Variants in NBEA observed in about 807,000 individuals in gnomAD.
The protein encoded by NBEA is neurobeachin, also known as lysosomal-trafficking regulator 2.
NBEA carries 44 observed loss-of-function variants against 343.4 expected under a neutral mutation model. That is an observed-to-expected ratio of 0.13 (90% CI 0.10 to 0.16). NBEA has a LOEUF of 0.16. Among genes scored for constraint, NBEA ranks in the 10% least tolerant of loss-of-function variants. The pLI, the probability that NBEA is intolerant of heterozygous loss-of-function variation, is 1.00. For missense variants in NBEA, 2,555 were observed against 3,631.3 expected (o/e 0.70, Z 7.62); for synonymous variants, 1,175 against 1,238.7 (o/e 0.95, Z 1.08).
At chr13:35,627,311 G>A (rs2083271195) in intron 48 of NBEA, among the ~76,000 whole-genome samples, 1 of 152,162 alleles carries the variant, frequency 6.6e-6, no homozygotes, top group Admixed American at 6.5e-5. Context: ...ATAAATGACT[G>A]CAGTAAGTGA....
chr13:35,646,457 T>C (rs2153076750), intron 51 of NBEA, 109 bp downstream of exon 51: 1 of 784,012 alleles, frequency 1.3e-6, no homozygotes, highest in Middle Eastern at 2.3e-4. Context: ...TCTCGATTTA[T>C]TGGTTAACTC....
intron 10 of NBEA, among the ~76,000 whole-genome samples, chr13:35,083,102 G>A (rs1032089427): frequency 2.0e-5 from 3 of 152,176 alleles, no homozygotes; most frequent in Non-Finnish European, 4.4e-5. Context: ...TATGTAAGAT[G>A]TAAGGAAGGG....
chr13:35,460,383 C>A (rs1179637180), intron 40 of NBEA, among the ~76,000 whole-genome samples: 1 of 152,196 alleles, frequency 6.6e-6, no homozygotes, highest in African/African-American at 2.4e-5. Flanking sequence ...GATTCACATT[C>A]AGCTTCAAAC....
At chr13:35,426,711 A>C (rs1173250045) in intron 38 of NBEA, among the ~76,000 whole-genome samples, 2 of 152,154 alleles carry the variant, frequency 1.3e-5, no homozygotes, top group Non-Finnish European at 2.9e-5. Context: ...AGGTTGGGGA[A>C]GTTCTCCTGG....
chr13:35,084,707 G>C (rs2064636075), intron 10 of NBEA, among the ~76,000 whole-genome samples: 1 of 152,034 alleles, frequency 6.6e-6, no homozygotes, highest in East Asian at 1.9e-4. Flanking sequence ...TCAAAAGCTA[G>C]CAGAAGGCAA....
At chr13:34,975,532 T>A (rs770380393) in intron 1 of NBEA, among the ~76,000 whole-genome samples, 61 of 152,218 alleles carry the variant, frequency 4.0e-4, no homozygotes, top group African/African-American at 1.4e-3. Context: ...GGCAAAGACT[T>A]CATGACCAGG....
chr13:35,139,017 AC>A (rs1235864761), intron 17 of NBEA, among the ~76,000 whole-genome samples: 3 of 145,768 alleles, frequency 2.1e-5, no homozygotes, highest in Admixed American at 1.4e-4. Flanking sequence ...TGTTTTCTTT[AC>A]TGTTTTCATA....
chr13:35,084,692 C>A (rs1451129597), intron 10 of NBEA, among the ~76,000 whole-genome samples: 2 of 152,036 alleles, frequency 1.3e-5, no homozygotes, highest in South Asian at 2.1e-4. Flanking sequence ...CAAGAGTAAA[C>A]ACATTCAAAA....
rs139415417 is a variant in NBEA, at chr13:35,515,449, G to A, written c.6586-35028G>A. ...ACCTTTTGAATGTTCCAAAATCACA[G>A]CAAAAATTCAGCAGAAGGTTTTATT... On this transcript the variant is annotated intron_variant, in intron 41 of 58. Coordinates refer to ENST00000379939, the MANE Select transcript of NBEA (RefSeq NM_001385012.1). 2.4e-4 allele frequency among the ~76,000 whole-genome samples: 36 copies of A among 152,272 alleles called. No homozygotes were observed. The East Asian group carries it at 4.4e-3, about 19-fold the overall frequency.
chr13:35,052,060 G>C (rs145224383), intron 6 of NBEA, among the ~76,000 whole-genome samples: 1 of 151,936 alleles, frequency 6.6e-6, no homozygotes, highest in Non-Finnish European at 1.5e-5. Flanking sequence ...TGAATCTAAG[G>C]GGTCTAGTTA....
At chr13:35,383,603 A>G (rs1274052793) in intron 38 of NBEA, among the ~76,000 whole-genome samples, 1 of 152,150 alleles carries the variant, frequency 6.6e-6, no homozygotes, top group Non-Finnish European at 1.5e-5. Flanking sequence ...AGGGTCAGGC[A>G]TAGCCAAGCG....
intron 1 of NBEA, among the ~76,000 whole-genome samples, chr13:34,998,541 C>T (rs1217929979): frequency 6.6e-6 from 1 of 152,116 alleles, no homozygotes; most frequent in African/African-American, 2.4e-5. Context: ...TTTTAGAGGC[C>T]TCCCCTCAGG....
At chr13:35,547,296 A>T (rs951620261) in intron 41 of NBEA, among the ~76,000 whole-genome samples, 1 of 152,208 alleles carries the variant, frequency 6.6e-6, no homozygotes, top group African/African-American at 2.4e-5. Flanking sequence ...TTTAGAAGCT[A>T]CTAGCAAAAT....
chr13:35,048,314 T>C (rs1261762328), intron 4 of NBEA, among the ~76,000 whole-genome samples: 1 of 151,972 alleles, frequency 6.6e-6, no homozygotes, highest in Non-Finnish European at 1.5e-5. Flanking sequence ...TGAAACCCGC[T>C]ATGTAATCTA....
rs1481284311 is a variant in NBEA, at chr13:35,472,363, G to A, written c.6449-37G>A. 4.4e-6 allele frequency: 7 copies of A among 1,598,242 alleles called. No homozygotes were observed. The African/African-American group carries it at 9.4e-5, about 21-fold the overall frequency. On this transcript the variant is annotated intron_variant, in intron 40 of 58. Coordinates refer to ENST00000379939, the MANE Select transcript of NBEA (RefSeq NM_001385012.1). ...CTGGGAGGGAGCAGGAAGGGCCACAGGGGCTCAGCCTGACTCCCCTTGTCC... is the reference window on the plus strand; with the variant it reads ...CTGGGAGGGAGCAGGAAGGGCCACAAGGGCTCAGCCTGACTCCCCTTGTCC...
intron 41 of NBEA, among the ~76,000 whole-genome samples, chr13:35,525,537 G>A (rs1438069130): frequency 3.3e-5 from 5 of 151,890 alleles, no homozygotes; most frequent in Non-Finnish European, 1.5e-5. Flanking sequence ...TGCATGACAG[G>A]AGCAAGATTC....
chr13:35,030,950 G>A (rs1028355033), intron 1 of NBEA, among the ~76,000 whole-genome samples: 4 of 151,546 alleles, frequency 2.6e-5, no homozygotes, highest in African/African-American at 4.8e-5. Flanking sequence ...TTTCACAGCC[G>A]ACTCCACCAG....
chr13:35,149,089 G>C (rs1409373853), intron 18 of NBEA, among the ~76,000 whole-genome samples: 1 of 152,058 alleles, frequency 6.6e-6, no homozygotes, highest in Admixed American at 6.5e-5. Flanking sequence ...TTAATATTCC[G>C]ACTTTGTGTC....
intron 10 of NBEA, 108 bp downstream of exon 10, chr13:35,070,960 T>TA (rs1285905683): frequency 8.0e-7 from 1 of 1,243,132 alleles, no homozygotes; most frequent in Non-Finnish European, 1.0e-6. Flanking sequence ...GTTCTGCCCT[T>TA]AAAGTGTAAT....
Sources: allele counts gnomAD v4.1 joint callset (sites outside exome capture counted in the v4.1 genomes callset), GRCh38; gene constraint gnomAD v4.1.1; transcripts MANE v1.5; gene names NCBI Gene and HGNC (gene_info 2026-07-23, HGNC 2026-07-21).